Variants in EEA1 observed in about 807,000 individuals in gnomAD.
EEA1 encodes early endosome antigen 1, also known as early endosome antigen 1, 162kD.
A neutral mutation model predicts 209.2 loss-of-function variants in EEA1; 111 were observed. That is an observed-to-expected ratio of 0.53 (90% CI 0.45 to 0.62). EEA1 has a LOEUF of 0.62. Ranked by LOEUF, EEA1 falls within the 20% of genes least tolerant of loss-of-function variation. The pLI, the probability that EEA1 is intolerant of heterozygous loss-of-function variation, is 0.00. For synonymous variants in EEA1, 536 were observed against 540.6 expected, an observed-to-expected ratio of 0.99 and a Z score of 0.12; for missense variants, 1,343 against 1,530.8, an observed-to-expected ratio of 0.88 and a Z score of 2.05.
intron 9 of EEA1, among the ~76,000 whole-genome samples, chr12:92,850,620 G>A (rs1018479008): frequency 1.1e-4 from 16 of 148,702 alleles, no homozygotes; most frequent in South Asian, 2.1e-4. Flanking sequence ...AACCCGGGAG[G>A]TGGATGTTGC....
chr12:92,808,960 T>C, intron 18 of EEA1, 57 bp downstream of exon 18: 1 of 1,467,982 alleles, frequency 6.8e-7, no homozygotes. Context: ...GAAGGAAATT[T>C]TAATACTTAG....
chr12:92,894,181 C>T (rs1242675914), intron 1 of EEA1, among the ~76,000 whole-genome samples: 1 of 152,110 alleles, frequency 6.6e-6, no homozygotes, highest in Non-Finnish European at 1.5e-5. Context: ...TATAAGATGG[C>T]CAACTTAATT....
rs1434258154 is a variant in EEA1 at position 92,898,722 on chromosome 12, TTTTTTTCCC to T, written c.25-7010_25-7002del. ...TAACTATGTCTTCTTTTTTTTTTCC[TTTTTTTCCC>T]TTTTTTTTTTTTTTTTTTTTTTTTT... On this transcript the variant is annotated intron_variant, in intron 1 of 28. Coordinates refer to ENST00000322349, the MANE Select transcript of EEA1 (RefSeq NM_003566.4). Among the ~76,000 whole-genome samples, 1,283 of 142,298 alleles carry T rather than the reference TTTTTTTCCC, an allele frequency of 9.0e-3. 15 individuals are homozygous for T. The highest frequency in any genetic ancestry group is 0.02 in the East Asian group (99 of 4,938). The allele number at this position is 142,298 out of a possible 152,430, so 93.4% of individuals were successfully genotyped here. A position where few individuals can be genotyped will look rare whatever the true frequency, so the allele number is the denominator to read the frequency against.
rs77584093 is a variant in EEA1 at position 92,888,838 on chromosome 12, A to G, written c.117+2791T>C. Reference sequence around the variant, plus strand: ...GGAAGGAAAGAAAAGTATGTTAGACATTATGTATGTTACAAAAGAAACAAA... The same window carrying G: ...GGAAGGAAAGAAAAGTATGTTAGACGTTATGTATGTTACAAAAGAAACAAA... On this transcript the variant is annotated intron_variant, in intron 2 of 28. Transcript: ENST00000322349. 2.6e-3 allele frequency among the ~76,000 whole-genome samples: 394 copies of G among 152,260 alleles called. 3 individuals are homozygous for G. The highest frequency in any genetic ancestry group is 3.1e-3 in the Non-Finnish European group (214 of 68,024).
chr12:92,819,326 G>GT lies in EEA1; in HGVS notation c.1709dup (p.Asn570LysfsTer23), dbSNP rs1565821159. 3.7e-6 allele frequency: 6 copies of GT among 1,610,072 alleles called. No individual in the cohort carries two copies. Among genetic ancestry groups the GT allele is most frequent in the Non-Finnish European group, 5.1e-6 (6 of 1,178,494 alleles). On this transcript the variant is annotated frameshift_variant, in exon 14 of 29. Coordinates refer to ENST00000322349, the MANE Select transcript of EEA1 (RefSeq NM_003566.4). LOFTEE classifies it high-confidence loss of function. ...AGCTTACTTGCTCCTGTAGTGTATG[G>GT]TTTTTTTCTTGTAACTGGTTAAGAA...
intron 2 of EEA1, chr12:92,884,181 C>G: frequency 1.4e-5 from 19 of 1,380,078 alleles, no homozygotes; most frequent in Non-Finnish European, 1.9e-5. Flanking sequence ...CAAATCATGA[C>G]TCACTGAGGC....
At chr12:92,877,628 A>G (rs536790940) in intron 2 of EEA1, among the ~76,000 whole-genome samples, 1 of 152,176 alleles carries the variant, frequency 6.6e-6, no homozygotes, top group East Asian at 1.9e-4. Context: ...TTCTGGGTTC[A>G]AGTGATTCTC....
chr12:92,776,225 G>A, intron 28 of EEA1, 92 bp from the exon 29 acceptor site: 1 of 1,215,824 alleles, frequency 8.2e-7, no homozygotes, highest in Non-Finnish European at 1.1e-6. Flanking sequence ...ACATTATGAA[G>A]GTACATTAGC....
At chr12:92,896,365 C>T (rs888166578) in intron 1 of EEA1, among the ~76,000 whole-genome samples, 3 of 152,100 alleles carry the variant, frequency 2.0e-5, no homozygotes, top group East Asian at 3.8e-4. Context: ...AAATCTGCTA[C>T]TGGAGAAGAT....
intron 10 of EEA1, among the ~76,000 whole-genome samples, chr12:92,838,091 A>G (rs1877007693): frequency 6.6e-6 from 1 of 152,268 alleles, no homozygotes; most frequent in African/African-American, 2.4e-5. Context: ...TATGTAAGGC[A>G]TTATTAAGAT....
intron 2 of EEA1, among the ~76,000 whole-genome samples, chr12:92,865,828 C>T (rs943460981): frequency 6.6e-6 from 1 of 150,884 alleles, no homozygotes. Context: ...TCACTGCAAA[C>T]CTCCACCTCC....
intron 2 of EEA1, among the ~76,000 whole-genome samples, chr12:92,880,903 A>G (rs1321077944): frequency 6.6e-6 from 1 of 152,230 alleles, no homozygotes; most frequent in Non-Finnish European, 1.5e-5. Context: ...AGACTCTGAA[A>G]GATACAGAGG....
intron 8 of EEA1, among the ~76,000 whole-genome samples, 192 bp downstream of exon 8, chr12:92,851,983 C>T (rs376575614): frequency 3.9e-4 from 59 of 152,032 alleles, no homozygotes; most frequent in African/African-American, 1.2e-3. Context: ...TAGTAAGTTA[C>T]GTATCATAAC....
chr12:92,827,992 G>C lies in EEA1; in HGVS notation c.1324C>G (p.Gln442Glu), dbSNP rs528615302. 2.5e-6 allele frequency: 4 copies of C among 1,601,938 alleles called. No individual in the cohort carries two copies. Among genetic ancestry groups the C allele is most frequent in the South Asian group, 2.3e-5 (2 of 88,774 alleles). Reference sequence around the variant, plus strand: ...TCCATCAACTTTTCACTTGAAAGCTGTCTCTGTTCCTTCAGCCTACCATGA... The same window carrying C: ...TCCATCAACTTTTCACTTGAAAGCTCTCTCTGTTCCTTCAGCCTACCATGA... ...EAHGRLKEQR[Q>E]LSSEKLMDKE... The change falls in exon 12 of 29, where the codon CAG becomes GAG. Residue 442 changes from glutamine to glutamate, a missense_variant. By Grantham distance (29) the Gln-to-Glu change is conservative. Transcript: ENST00000322349.
chr12:92,882,470 G>A (rs371958001), intron 2 of EEA1, among the ~76,000 whole-genome samples: 2 of 151,444 alleles, frequency 1.3e-5, no homozygotes, highest in African/African-American at 4.8e-5. Context: ...TTGTTACCTG[G>A]GTATATTGCA....
intron 1 of EEA1, among the ~76,000 whole-genome samples, chr12:92,919,884 G>A (rs1470940783): frequency 2.3e-4 from 18 of 79,374 alleles, no homozygotes; most frequent in Middle Eastern, 3.9e-3. Flanking sequence ...AAGCTGATAA[G>A]CAACTTCAGC....
Position 92,798,882 on chromosome 12 carries a change from A to G in EEA1, c.2967+10T>C. 1 of 1,540,436 alleles carries G rather than the reference A, an allele frequency of 6.5e-7. No homozygotes were observed. Among genetic ancestry groups the G allele is most frequent in the Non-Finnish European group, 8.7e-7 (1 of 1,149,608 alleles). ...TTCTTCCTATAAAAAGTAAACAAAT[A>G]TATCACTACCTTCTGTAAAACAGCA... On this transcript the variant is annotated intron_variant, in intron 21 of 28. Transcript: ENST00000322349.
intron 1 of EEA1, among the ~76,000 whole-genome samples, chr12:92,926,522 C>T (rs1881222965): frequency 6.6e-6 from 1 of 152,070 alleles, no homozygotes; most frequent in South Asian, 2.1e-4. Context: ...AGTAAATCAC[C>T]AGATTTAAGA....
chr12:92,843,558 A>G (rs985046275), intron 9 of EEA1, among the ~76,000 whole-genome samples: 1 of 152,238 alleles, frequency 6.6e-6, no homozygotes, highest in African/African-American at 2.4e-5. Context: ...GATCTTGGAA[A>G]TAATAAATTT....
Sources: gnomAD v4.1 joint callset for allele counts (sites outside exome capture counted in the v4.1 genomes callset) on GRCh38, gnomAD v4.1.1 for gene constraint, MANE v1.5 for transcripts, NCBI Gene and HGNC (gene_info 2026-07-23, HGNC 2026-07-21) for gene names.